The following CTNNA3 variants were observed in gnomAD, a reference collection of about 807,000 sequenced individuals.
CTNNA3 encodes catenin alpha-3.
CTNNA3 carries 76 observed loss-of-function variants against 95.7 expected under a neutral mutation model. The observed-to-expected ratio is 0.79, with a 90% confidence interval of 0.66 to 0.96. The LOEUF (loss-of-function observed/expected upper bound fraction) is 0.96, where lower values mean the gene tolerates loss of function less well. Ranked by LOEUF, CTNNA3 falls within the 40% of genes least tolerant of loss-of-function variation. The probability of loss-of-function intolerance (pLI) is 0.00; values close to 1 mark genes in which losing one functional copy is unlikely to be tolerated. For missense variants in CTNNA3, 1,191 were observed against 1,089.8 expected (o/e 1.09, Z -1.31); for synonymous variants, 431 against 374.4 (o/e 1.15, Z -1.74).
chr10:66,060,555 G>A (rs917420812), intron 15 of CTNNA3, among the ~76,000 whole-genome samples: 3 of 152,024 alleles, frequency 2.0e-5, no homozygotes, highest in Non-Finnish European at 2.9e-5. Flanking sequence ...AAATGACATA[G>A]CCAATCGGAG....
At chr10:66,360,947 C>G (rs1413624483) in intron 12 of CTNNA3, among the ~76,000 whole-genome samples, 13 of 129,832 alleles carry the variant, frequency 1.0e-4, no homozygotes, top group South Asian at 4.8e-4. Context: ...CTCTCTCTGT[C>G]TCTCTCTTTC....
chr10:65,987,744 C>T (rs1165103345), intron 16 of CTNNA3, among the ~76,000 whole-genome samples: 1 of 152,074 alleles, frequency 6.6e-6, no homozygotes, highest in East Asian at 1.9e-4. Flanking sequence ...ATGCTTACTG[C>T]AGCACTGTTC....
intron 5 of CTNNA3, among the ~76,000 whole-genome samples, chr10:67,314,754 A>C (rs1038924548): frequency 7.2e-5 from 11 of 152,324 alleles, no homozygotes; most frequent in African/African-American, 2.6e-4. Flanking sequence ...TAAAATTGCT[A>C]ATGTCCAAAT....
chr10:67,161,400 G>A (rs1199656991), intron 7 of CTNNA3, among the ~76,000 whole-genome samples: 2 of 151,512 alleles, frequency 1.3e-5, no homozygotes, highest in Non-Finnish European at 2.9e-5. Context: ...TATAATAAAT[G>A]AGTGAGATAA....
chr10:66,429,335 C>T (rs2093273985), intron 11 of CTNNA3, among the ~76,000 whole-genome samples: 1 of 152,156 alleles, frequency 6.6e-6, no homozygotes, highest in African/African-American at 2.4e-5. Context: ...CAAAGAGGAG[C>T]TGGTATCATT....
intron 7 of CTNNA3, among the ~76,000 whole-genome samples, chr10:66,956,834 G>A (rs552295078): frequency 7.9e-5 from 12 of 152,312 alleles, no homozygotes; most frequent in African/African-American, 2.4e-4. Context: ...CCAATATTCC[G>A]TTTAATCCTA....
At chr10:66,285,839 C>T (rs1028634890) in intron 12 of CTNNA3, among the ~76,000 whole-genome samples, 3 of 151,680 alleles carry the variant, frequency 2.0e-5, no homozygotes, top group Non-Finnish European at 2.9e-5. Context: ...ATAAGAAGTT[C>T]GTGCAACTGT....
intron 5 of CTNNA3, among the ~76,000 whole-genome samples, chr10:67,251,267 T>C (rs1468376910): frequency 6.6e-6 from 1 of 152,182 alleles, no homozygotes; most frequent in Non-Finnish European, 1.5e-5. Flanking sequence ...TTCTATGAAA[T>C]GTCTCTAGAA....
intron 7 of CTNNA3, among the ~76,000 whole-genome samples, chr10:67,036,547 A>T (rs1235296599): frequency 1.3e-5 from 2 of 151,930 alleles, no homozygotes; most frequent in Non-Finnish European, 2.9e-5. Context: ...TTTTAAAAAA[A>T]TTTTTGGTAG....
At chr10:66,263,483 C>G (rs749884131) in intron 13 of CTNNA3, among the ~76,000 whole-genome samples, 24 of 151,944 alleles carry the variant, frequency 1.6e-4, no homozygotes, top group Non-Finnish European at 2.8e-4. Flanking sequence ...GACCACTTTA[C>G]AGAATATGGG....
At chr10:67,307,103 T>C (rs961936989) in intron 5 of CTNNA3, among the ~76,000 whole-genome samples, 3 of 152,220 alleles carry the variant, frequency 2.0e-5, no homozygotes, top group Admixed American at 1.3e-4. Context: ...CATTATGCTT[T>C]AACAGACACA....
rs1839591140 is a variant in CTNNA3, at chr10:67,643,077, C to T, written c.99+4338G>A. ...CAAAGACATGGAATCAACCTAAACGCCCATCAGTGATAGACTGGATAAAGA... is the reference window on the plus strand; with the variant it reads ...CAAAGACATGGAATCAACCTAAACGTCCATCAGTGATAGACTGGATAAAGA... On this transcript the variant is annotated intron_variant, in intron 2 of 17. Transcript: ENST00000433211. Among the ~76,000 whole-genome samples, 4 of 152,140 alleles carry T rather than the reference C, an allele frequency of 2.6e-5. No individual in the cohort carries two copies. In the South Asian group the frequency reaches 8.3e-4, roughly 32 times the overall value.
chr10:66,637,055 TA>T (rs1478921805), intron 9 of CTNNA3, among the ~76,000 whole-genome samples: 1 of 152,160 alleles, frequency 6.6e-6, no homozygotes, highest in African/African-American at 2.4e-5. Flanking sequence ...AATAAAACTC[TA>T]AAAATAAGAC....
At chr10:67,525,666 A>G (rs1446638333) in intron 4 of CTNNA3, among the ~76,000 whole-genome samples, 1 of 152,232 alleles carries the variant, frequency 6.6e-6, no homozygotes, top group South Asian at 2.1e-4. Context: ...GCAGGAAAAA[A>G]AAATGCAGCC....
chr10:67,573,857 A>T (rs2133295685), intron 3 of CTNNA3, among the ~76,000 whole-genome samples: 1 of 152,288 alleles, frequency 6.6e-6, no homozygotes, highest in Middle Eastern at 3.4e-3. Context: ...AGTTCTGATT[A>T]CTGACTTCAA....
intron 11 of CTNNA3, among the ~76,000 whole-genome samples, chr10:66,400,451 G>A (rs1345248682): frequency 6.6e-6 from 1 of 152,064 alleles, no homozygotes; most frequent in African/African-American, 2.4e-5. Flanking sequence ...AATGGCAAAT[G>A]AAATCAATAT....
intron 13 of CTNNA3, among the ~76,000 whole-genome samples, chr10:66,214,457 AT>A (rs1196628170): frequency 6.6e-6 from 1 of 152,112 alleles, no homozygotes; most frequent in African/African-American, 2.4e-5. Context: ...GTCATATTAA[AT>A]TTATTTTTAC....
At position 65,958,394 on chromosome 10, in the gene CTNNA3, G is replaced by A. The variant is rs917305725; in HGVS notation, c.2400+8218C>T. On this transcript the variant is annotated intron_variant, in intron 17 of 17. Coordinates refer to ENST00000433211, the MANE Select transcript of CTNNA3 (RefSeq NM_013266.4). ...ATCTGAAGCCTTCTTCTCTCAACTC[G>A]TCAAAGTCATTCCCCGTCCAGCTTT... Among the ~76,000 whole-genome samples the A allele has an allele frequency of 5.3e-4, 80 of 152,188 alleles. 1 individual carries two copies. Among genetic ancestry groups the A allele is most frequent in the African/African-American group, 1.3e-3 (53 of 41,512 alleles).
intron 7 of CTNNA3, among the ~76,000 whole-genome samples, chr10:67,095,517 AC>A (rs1316024492): frequency 1.3e-5 from 2 of 151,800 alleles, no homozygotes; most frequent in Non-Finnish European, 2.9e-5. Context: ...CACTCTGCAT[AC>A]CAGTCAGTAG....
Sources: allele counts gnomAD v4.1 joint callset (sites outside exome capture counted in the v4.1 genomes callset), GRCh38; gene constraint gnomAD v4.1.1; transcripts MANE v1.5; gene names NCBI Gene and HGNC (gene_info 2026-07-23, HGNC 2026-07-21).